Variants in TLR5 observed in about 807,000 individuals in gnomAD.
TLR5 encodes the protein toll-like receptor 5.
For missense variants in TLR5, 944 were observed against 999.8 expected (o/e 0.94, Z 0.75); for synonymous variants, 373 against 384.4 (o/e 0.97, Z 0.35).
intron 2 of TLR5, among the ~76,000 whole-genome samples, chr1:223,138,265 C>T (rs1640827): frequency 0.66 from 100,727 of 151,642 alleles, 35,328 homozygotes; most frequent in African/African-American, 0.89. Flanking sequence ...CCTCTTTCTT[C>T]TATGAATCTC....
rs1291125367 is a variant in TLR5, at chr1:223,112,255, A to T, written c.777T>A (p.Ile259=). ...CGGCACCCATGATGTGGTGGGCAAG[A>T]ATCAAAGAGAAGGCCTGGCTTTTGC... The part of the protein sequence containing the change: ...AISKSQAFSL[I]LAHHIMGAGF... Residue 259 remains isoleucine (I), a synonymous_variant, in exon 6 of 6, where the codon ATT becomes ATA. Transcript: ENST00000642603. 2.5e-6 allele frequency: 4 copies of T among 1,614,214 alleles called. No homozygotes were observed. The highest frequency in any genetic ancestry group is 3.4e-6 in the Non-Finnish European group (4 of 1,180,046).
At chr1:223,138,829 C>A (rs1657724454) in intron 2 of TLR5, among the ~76,000 whole-genome samples, 1 of 152,186 alleles carries the variant, frequency 6.6e-6, no homozygotes, top group Non-Finnish European at 1.5e-5. Flanking sequence ...TGTCCCCACC[C>A]AAATCTCATC....
chr1:223,139,962 G>A (rs1640823), intron 2 of TLR5, among the ~76,000 whole-genome samples: 11,760 of 152,194 alleles, frequency 0.077, 774 homozygotes, highest in African/African-American at 0.17. Context: ...CACCAAATTC[G>A]GCTCAGGGGA....
chr1:223,136,578 G>C (rs980283305), intron 3 of TLR5, among the ~76,000 whole-genome samples: 7 of 152,210 alleles, frequency 4.6e-5, no homozygotes, highest in African/African-American at 1.7e-4. Flanking sequence ...GAAGCTATCT[G>C]AACCCAGTTA....
At chr1:223,119,818 G>A (rs762039345) in intron 5 of TLR5, among the ~76,000 whole-genome samples, 10 of 150,796 alleles carry the variant, frequency 6.6e-5, no homozygotes, top group Non-Finnish European at 1.0e-4. Flanking sequence ...AAAATTAGCC[G>A]GGCGGGGTGG....
intron 5 of TLR5, among the ~76,000 whole-genome samples, chr1:223,124,173 G>A (rs887172560): frequency 6.6e-6 from 1 of 152,362 alleles, no homozygotes; most frequent in East Asian, 1.9e-4. Flanking sequence ...GCCAGGCGCT[G>A]TGGCTCACGC....
chr1:223,141,884 A>C (rs559421347), intron 1 of TLR5, 121 bp from the exon 2 acceptor site: 8 of 145,698 alleles, frequency 5.5e-5, no homozygotes, highest in Non-Finnish European at 1.2e-4. Context: ...TTATTTTTGT[A>C]CTGCTTAGTA....
intron 3 of TLR5, among the ~76,000 whole-genome samples, chr1:223,135,083 A>G (rs1657554901): frequency 6.6e-6 from 1 of 152,182 alleles, no homozygotes; most frequent in Admixed American, 6.5e-5. Context: ...CAAAGGAATC[A>G]AGAGAAAGCT....
chr1:223,112,695 C>T lies in TLR5; in HGVS notation c.337G>A (p.Asp113Asn). Reference sequence around the variant, plus strand: ...AGATGGAACAGTCCCTGAAAAGCATCTGGATGCAAGAAGTATATCTTACTA... The same window carrying T: ...AGATGGAACAGTCCCTGAAAAGCATTTGGATGCAAGAAGTATATCTTACTA... ...GSSKIYFLHP[D>N]AFQGLFHLFE... The change falls in exon 6 of 6, where the codon GAT (aspartate) becomes AAT (asparagine). Residue 113 changes from aspartate to asparagine, a missense_variant. Coordinates refer to ENST00000642603, the MANE Select transcript of TLR5 (RefSeq NM_003268.6). 1 of 1,614,252 alleles carries T rather than the reference C, an allele frequency of 6.2e-7. No homozygotes were observed. The highest frequency in any genetic ancestry group is 1.1e-5 in the South Asian group (1 of 91,090).
chr1:223,132,386 T>G (rs1657428827), intron 5 of TLR5, 89 bp downstream of exon 5: 1 of 152,206 alleles, frequency 6.6e-6, no homozygotes, highest in Non-Finnish European at 1.5e-5. Context: ...TATGTATATA[T>G]ATATGTACAA....
At chr1:223,133,943 G>C (rs1336158189) in intron 4 of TLR5, among the ~76,000 whole-genome samples, 1 of 152,222 alleles carries the variant, frequency 6.6e-6, no homozygotes, top group South Asian at 2.1e-4. Flanking sequence ...CCTGAGCTGA[G>C]CTCCGCTGGG....
intron 5 of TLR5, among the ~76,000 whole-genome samples, chr1:223,116,337 C>A (rs1456812010): frequency 6.6e-6 from 1 of 152,074 alleles, no homozygotes; most frequent in Admixed American, 6.6e-5. Flanking sequence ...TCGCTGGCTT[C>A]AGGAGTGAAT....
chr1:223,135,478 T>C (rs1657574236), intron 3 of TLR5, among the ~76,000 whole-genome samples: 1 of 152,180 alleles, frequency 6.6e-6, no homozygotes, highest in Non-Finnish European at 1.5e-5. Flanking sequence ...CATGAGACCA[T>C]GGCAAAAATG....
At chr1:223,130,192 G>A (rs1657344066) in intron 5 of TLR5, among the ~76,000 whole-genome samples, 1 of 152,112 alleles carries the variant, frequency 6.6e-6, no homozygotes, top group South Asian at 2.1e-4. Flanking sequence ...GACATACAGG[G>A]ATCCCCGCAC....
At position 223,112,367 on chromosome 1, in the gene TLR5, G is replaced by C; in HGVS notation, c.665C>G (p.Pro222Arg). Residue 222 changes from proline to arginine, a missense_variant, in exon 6 of 6, where the codon CCA becomes CGA. Physicochemically the swap from Pro to Arg is moderately radical, Grantham distance 103. Coordinates refer to ENST00000642603, the MANE Select transcript of TLR5 (RefSeq NM_003268.6). ...VSVDWGKCMNPFRNMVLEILD... is the reference protein window; with the variant it reads ...VSVDWGKCMNRFRNMVLEILD... ...TATCTCCAGCACCATGTTTCTGAAT[G>C]GGTTCATACATTTTCCCCAGTCCAC... 6.2e-7 allele frequency: 1 copy of C among 1,614,222 alleles called. No homozygotes were observed. Among genetic ancestry groups the C allele is most frequent in the Admixed American group, 1.7e-5 (1 of 60,020 alleles).
Position 223,112,724 on chromosome 1 carries a change from C to A in TLR5, c.308G>T (p.Gly103Val), listed in dbSNP as rs1436338021. The change falls in exon 6 of 6, where the codon GGA becomes GTA. Residue 103 changes from glycine to valine, a missense_variant. By Grantham distance (109) the Gly-to-Val change is moderately radical (BLOSUM62 -3). Coordinates refer to ENST00000642603, the MANE Select transcript of TLR5 (RefSeq NM_003268.6). ...NLPNLRILDL[G>V]SSKIYFLHPD... Reference sequence around the variant, plus strand: ...ATGCAAGAAGTATATCTTACTACTTCCCAGGTCCAAGATTCTAAGGTTGGG... The same window carrying A: ...ATGCAAGAAGTATATCTTACTACTTACCAGGTCCAAGATTCTAAGGTTGGG... 3.1e-6 allele frequency: 5 copies of A among 1,614,214 alleles called. No individual in the cohort carries two copies. The highest frequency in any genetic ancestry group is 4.2e-6 in the Non-Finnish European group (5 of 1,180,034).
intron 5 of TLR5, among the ~76,000 whole-genome samples, chr1:223,115,882 T>C (rs1234223707): frequency 2.0e-5 from 3 of 152,114 alleles, no homozygotes; most frequent in Admixed American, 1.3e-4. Context: ...ACCAAGGTCC[T>C]AGGGTGGAAG....
intron 5 of TLR5, among the ~76,000 whole-genome samples, chr1:223,117,142 C>T (rs1243360525): frequency 2.0e-5 from 3 of 152,114 alleles, no homozygotes; most frequent in East Asian, 1.9e-4. Flanking sequence ...TCGAGTGTGG[C>T]GCCGGCGGGG....
intron 3 of TLR5, among the ~76,000 whole-genome samples, chr1:223,136,262 T>TA (rs1419502737): frequency 1.3e-5 from 2 of 152,146 alleles, no homozygotes; most frequent in African/African-American, 4.8e-5. Flanking sequence ...GAGGACTTGC[T>TA]AGGCAAGACA....
Sources: allele counts gnomAD v4.1 joint callset (sites outside exome capture counted in the v4.1 genomes callset), GRCh38; gene constraint gnomAD v4.1.1; transcripts MANE v1.5; gene names NCBI Gene and HGNC (gene_info 2026-07-23, HGNC 2026-07-21).